The following TRANK1 variants were observed in gnomAD, a reference collection of about 807,000 sequenced individuals.
TRANK1 encodes TPR and ankyrin repeat-containing protein 1.
In TRANK1, 198 loss-of-function variants were observed where a neutral mutation model predicts 266.0. The observed-to-expected ratio is 0.74, with a 90% CI of 0.66 to 0.84. The LOEUF is 0.84. Ranked by LOEUF, TRANK1 falls within the 40% of genes least tolerant of loss-of-function variation. The pLI is 0.00. For missense variants in TRANK1, 3,326 were observed against 3,634.6 expected (o/e 0.92, Z 2.18); for synonymous variants, 1,396 against 1,384.1 (o/e 1.01, Z -0.19).
Position 36,853,024 on chromosome 3 carries a change from G to C in TRANK1, c.4550-679C>G, listed in dbSNP as rs945565114. 6.9e-4 allele frequency among the ~76,000 whole-genome samples: 105 copies of C among 152,280 alleles called. 1 individual carries two copies. Among genetic ancestry groups the C allele is most frequent in the African/African-American group, 2.3e-3 (97 of 41,554 alleles). On this transcript the variant is annotated intron_variant, in intron 13 of 23. Transcript: ENST00000645898. ...TACACTAAGAAAAAATGTCAGAGCA[G>C]GAGAGAGGATTTTCCAAAGAGATTT...
At position 36,944,677 on chromosome 3, in the gene TRANK1, C is replaced by T. The variant is rs1318422715; in HGVS notation, c.23+110G>A. Reference sequence around the variant, plus strand: ...ACAGGGATGGCCGGGCGGGCCCGTTCGGCCGCTACCTCAGGGTCGCCAGTC... The same window carrying T: ...ACAGGGATGGCCGGGCGGGCCCGTTTGGCCGCTACCTCAGGGTCGCCAGTC... On this transcript the variant is annotated intron_variant, in intron 1 of 23. Transcript: ENST00000645898. 4 of 1,315,852 alleles carry T rather than the reference C, an allele frequency of 3.0e-6. No individual in the cohort carries two copies. The Admixed American group carries it at 9.5e-5, about 31-fold the overall frequency. 81.5% of individuals were successfully genotyped at this position (1,315,852 alleles called of 1,614,324 possible).
At chr3:36,922,800 A>G (rs2080234265) in intron 1 of TRANK1, among the ~76,000 whole-genome samples, 1 of 151,938 alleles carries the variant, frequency 6.6e-6, no homozygotes, top group Non-Finnish European at 1.5e-5. Flanking sequence ...AAAAAATTAA[A>G]GGTTTAATTC....
Position 36,925,540 on chromosome 3 carries a change from T to G in TRANK1, c.24-17086A>C, listed in dbSNP as rs192335725. On this transcript the variant is annotated intron_variant, in intron 1 of 23. Transcript: ENST00000645898. ...TTTTGTTAAACAAAGAACCTAGAAT[T>G]TTTTTAACCTTCCTTAAAAGTTAGT... is the stretch of plus-strand genomic sequence containing the variant. 5.4e-4 allele frequency among the ~76,000 whole-genome samples: 82 copies of G among 152,324 alleles called. No individual in the cohort carries two copies. The East Asian group carries it at 9.2e-3, about 17-fold the overall frequency.
Position 36,892,970 on chromosome 3 carries a change from C to A in TRANK1, c.567G>T (p.Leu189=). 1 of 1,508,068 alleles carries A rather than the reference C, an allele frequency of 6.6e-7. No individual in the cohort carries two copies. The highest frequency in any genetic ancestry group is 1.3e-5 in the South Asian group (1 of 79,114). 93.4% of individuals were successfully genotyped at this position (1,508,068 alleles called of 1,614,324 possible). Residue 189 remains leucine, a synonymous_variant, in exon 6 of 24, where the codon CTG becomes CTT. Coordinates refer to ENST00000645898, the MANE Select transcript of TRANK1 (RefSeq NM_001329998.2). The part of the protein sequence containing the change: ...KKGLWHSFLL[L]SAKKDRLPRN... ...TTGGTAATCGGTCTTTTTTTGCTGA[C>A]AGAAGCAGAAATGACTGGTGGGAGA...
chr3:36,943,523 A>G (rs1055679170), intron 1 of TRANK1, among the ~76,000 whole-genome samples: 2 of 139,498 alleles, frequency 1.4e-5, no homozygotes, highest in African/African-American at 5.3e-5. Flanking sequence ...AACAAAGAGC[A>G]TATGAACTCA....
Position 36,857,392 on chromosome 3 carries a change from C to A in TRANK1, c.2330G>T (p.Gly777Val). The change falls in exon 13 of 24, where the codon GGT (glycine) becomes GTT (valine). Residue 777 changes from glycine to valine, a missense_variant. Physicochemically the swap from Gly to Val is moderately radical, Grantham distance 109. Coordinates refer to ENST00000645898, the MANE Select transcript of TRANK1 (RefSeq NM_001329998.2). This position sits in a 1 kb window ranked among gnomAD's most constrained non-coding sequence, Gnocchi z 4.3. ...EGKKDDKPTL[G>V]AGAPDCSEVG... is the part of the protein sequence containing the mutation. ...CTCACTACAGTCAGGGGCCCCTGCACCCAGAGTCGGCTTGTCATCTTTCTT... is the reference window on the plus strand; with the variant it reads ...CTCACTACAGTCAGGGGCCCCTGCAACCAGAGTCGGCTTGTCATCTTTCTT... 1 of 1,612,188 alleles carries A rather than the reference C, an allele frequency of 6.2e-7. No homozygotes were observed.
In TRANK1 at chr3:36,829,618, C is replaced by A. The variant is rs747382365; in HGVS notation, c.8755G>T (p.Val2919Phe). 1.2e-6 allele frequency: 2 copies of A among 1,613,902 alleles called. No individual in the cohort carries two copies. Among genetic ancestry groups the A allele is most frequent in the Non-Finnish European group, 1.7e-6 (2 of 1,179,900 alleles). The stretch of plus-strand genomic sequence containing the variant: ...ATCAACCAGTCTCGTGCATCCCTGA[C>A]TGACAGGATCAGAATGTTGACCAGC... ...TRLVNILILS[V>F]RDARDWLMKT... The change falls in exon 23 of 24, where the codon GTC becomes TTC. Residue 2919 changes from valine to phenylalanine, a missense_variant. Physicochemically the swap from Val to Phe is conservative, Grantham distance 50 (BLOSUM62 -1). Coordinates refer to ENST00000645898, the MANE Select transcript of TRANK1 (RefSeq NM_001329998.2).
At chr3:36,886,891 C>T (rs528110855) in intron 8 of TRANK1, among the ~76,000 whole-genome samples, 2 of 147,312 alleles carry the variant, frequency 1.4e-5, no homozygotes, top group South Asian at 2.1e-4. Flanking sequence ...CTTCCACCTA[C>T]ATTTTTTGTT....
At chr3:36,931,895 C>T (rs1281969549) in intron 1 of TRANK1, among the ~76,000 whole-genome samples, 1 of 152,000 alleles carries the variant, frequency 6.6e-6, no homozygotes, top group Non-Finnish European at 1.5e-5. Flanking sequence ...GCCTAGGTGA[C>T]AGAGCAGGAA....
intron 17 of TRANK1, among the ~76,000 whole-genome samples, 187 bp downstream of exon 17, chr3:36,846,061 C>T (rs1462127594): frequency 6.6e-6 from 1 of 152,208 alleles, no homozygotes; most frequent in Non-Finnish European, 1.5e-5. Context: ...AGTTAACCTT[C>T]CCAATCCCAC....
At chr3:36,835,517 C>T (rs1165294491) in intron 20 of TRANK1, among the ~76,000 whole-genome samples, 3 of 152,092 alleles carry the variant, frequency 2.0e-5, no homozygotes, top group Non-Finnish European at 4.4e-5. Context: ...TGAGGTCACA[C>T]TCAAGTGGAA....
At chr3:36,870,017 C>A (rs2079282893) in intron 9 of TRANK1, among the ~76,000 whole-genome samples, 1 of 152,224 alleles carries the variant, frequency 6.6e-6, no homozygotes, top group South Asian at 2.1e-4. Context: ...ATACAACTCT[C>A]TGGATGTATA....
chr3:36,895,728 G>A lies in TRANK1; in HGVS notation c.464C>T (p.Pro155Leu). The change falls in exon 5 of 24, where the codon CCT becomes CTT. Residue 155 changes from proline (P) to leucine (L), a missense_variant. By Grantham distance (98) the Pro-to-Leu change is moderately conservative. Coordinates refer to ENST00000645898, the MANE Select transcript of TRANK1 (RefSeq NM_001329998.2). The part of the protein sequence containing the change: ...SDSIVLQSFL[P>L]CFDHIFTTGF... ...AGTTGTGAAAATATGATCAAAGCAAGGCAAGAAACTTTGCAAAACAATGGA... is the reference window on the plus strand; with the variant it reads ...AGTTGTGAAAATATGATCAAAGCAAAGCAAGAAACTTTGCAAAACAATGGA... The A allele has an allele frequency of 6.5e-7, 1 of 1,534,908 alleles. No homozygotes were observed. The highest frequency in any genetic ancestry group is 8.7e-7 in the Non-Finnish European group (1 of 1,146,300).
chr3:36,940,580 G>A (rs796738940), intron 1 of TRANK1, among the ~76,000 whole-genome samples: 19 of 151,872 alleles, frequency 1.3e-4, no homozygotes, highest in African/African-American at 4.1e-4. Flanking sequence ...CCTGCTAGAA[G>A]TGCTCTCCAC....
chr3:36,888,830 G>A (rs934386598), intron 8 of TRANK1, among the ~76,000 whole-genome samples: 4 of 152,218 alleles, frequency 2.6e-5, no homozygotes, highest in African/African-American at 7.2e-5. Flanking sequence ...GCCGAGGCAG[G>A]TGGATCACTT....
rs1575195664 is a variant in TRANK1 at position 36,847,298 on chromosome 3, C to T, written c.4936G>A (p.Asp1646Asn). The change falls in exon 16 of 24, where the codon GAC becomes AAC. Residue 1646 changes from aspartate (D) to asparagine (N), a missense_variant. Asp to Asn is a conservative substitution (Grantham distance 23). Transcript: ENST00000645898. Reference protein sequence around the residue: ...IISSFTPTSTDSREENRPLVE... With the variant: ...IISSFTPTSTNSREENRPLVE... ...AATGGCCGGTTTTCCTCTCTGGAGT[C>T]AGTTGAGGTAGGTGTGAATGAGGAA... The T allele has an allele frequency of 6.2e-7, 1 of 1,613,670 alleles. No homozygotes were observed. Among genetic ancestry groups the T allele is most frequent in the African/African-American group, 1.3e-5 (1 of 75,026 alleles).
At chr3:36,846,819 A>T (rs116550791) in intron 16 of TRANK1, among the ~76,000 whole-genome samples, 172 of 152,354 alleles carry the variant, frequency 1.1e-3, no homozygotes, top group African/African-American at 4.1e-3. Flanking sequence ...TACATCTTAC[A>T]CAATTGCTGT....
chr3:36,930,577 A>G (rs990945603), intron 1 of TRANK1, among the ~76,000 whole-genome samples: 14 of 152,240 alleles, frequency 9.2e-5, no homozygotes, highest in Non-Finnish European at 1.5e-4. Context: ...ATTAGTTCCA[A>G]ATGAATAAAA....
chr3:36,873,219 A>G (rs2079335333), intron 9 of TRANK1, among the ~76,000 whole-genome samples: 1 of 152,188 alleles, frequency 6.6e-6, no homozygotes, highest in African/African-American at 2.4e-5. Flanking sequence ...ATTATCCATC[A>G]ATATGAGGGT....
Sources: allele counts gnomAD v4.1 joint callset (sites outside exome capture counted in the v4.1 genomes callset), GRCh38; gene constraint gnomAD v4.1.1; non-coding constraint Gnocchi (gnomAD v3.1); transcripts MANE v1.5; gene names NCBI Gene and HGNC (gene_info 2026-07-23, HGNC 2026-07-21).